The following DIP2A variants were observed in gnomAD, a reference collection of about 807,000 sequenced individuals.
DIP2A encodes the protein disco-interacting protein 2 homolog A.
A neutral mutation model predicts 177.4 loss-of-function variants in DIP2A; 85 were observed. That is an observed-to-expected ratio of 0.48 (90% confidence interval 0.40 to 0.57). The LOEUF (loss-of-function observed/expected upper bound fraction) is 0.57, where lower values mean the gene tolerates loss of function less well. Ranked by LOEUF, DIP2A falls within the 20% of genes least tolerant of loss-of-function variation. The pLI is 0.00. For synonymous variants in DIP2A, 886 were observed against 881.8 expected (o/e 1.00, Z -0.08); for missense variants, 1,791 against 2,100.2 (o/e 0.85, Z 2.88).
chr21:46,560,864 C>G, intron 33 of DIP2A, 81 bp downstream of exon 33: 1 of 1,532,162 alleles, frequency 6.5e-7, no homozygotes, highest in African/African-American at 1.4e-5. Context: ...ACTATGCACC[C>G]CCGGGACCCA....
chr21:46,558,499 CCTT>C lies in DIP2A; in HGVS notation c.3969+109_3969+111del, dbSNP rs1188029937. The stretch of plus-strand genomic sequence containing the variant: ...TTTTGTAGCCGCCTGATCTATTTCT[CCTT>C]CTCTGGGCCTTTGATATCTCATTTC... On this transcript the variant is annotated intron_variant, in intron 32 of 37. Transcript: ENST00000417564. 4 of 1,154,386 alleles carry C rather than the reference CCTT, an allele frequency of 3.5e-6. No individual in the cohort carries two copies. The East Asian group carries it at 1.0e-4, about 30-fold the overall frequency. 71.5% of individuals were successfully genotyped at this position (1,154,386 alleles called of 1,614,324 possible).
intron 35 of DIP2A, among the ~76,000 whole-genome samples, chr21:46,564,682 T>C (rs1363574982): frequency 6.6e-6 from 1 of 152,200 alleles, no homozygotes; most frequent in Non-Finnish European, 1.5e-5. Flanking sequence ...AGCTCTGCTG[T>C]GAAGCCAGAC....
In DIP2A at chr21:46,546,921, C is replaced by A; in HGVS notation, c.2401C>A (p.Leu801Met). 1.2e-6 allele frequency: 2 copies of A among 1,613,860 alleles called. No homozygotes were observed. Among genetic ancestry groups the A allele is most frequent in the Non-Finnish European group, 1.7e-6 (2 of 1,179,794 alleles). The change falls in exon 21 of 38, where the codon CTG (leucine) becomes ATG (methionine). Residue 801 changes from leucine to methionine, a missense_variant. Coordinates refer to ENST00000417564, the MANE Select transcript of DIP2A (RefSeq NM_015151.4). ...CGCACACCCTTTCCCTCAGGACAAC[C>A]TGGTCTTCATCGTGGGCAAACTGGA... The part of the protein sequence containing the change: ...GLLGFIGPDN[L>M]VFIVGKLDGL...
At chr21:46,495,247 TCTC>T (rs1568967773) in intron 3 of DIP2A, among the ~76,000 whole-genome samples, 45 of 94,036 alleles carry the variant, frequency 4.8e-4, no homozygotes, top group African/African-American at 3.2e-3. Flanking sequence ...CTCTTCTTTC[TCTC>T]TCTCTCTCTC....
intron 3 of DIP2A, 128 bp downstream of exon 3, chr21:46,490,847 G>A: frequency 8.6e-7 from 1 of 1,169,208 alleles, no homozygotes; most frequent in Non-Finnish European, 1.2e-6. Context: ...CACATAAGCA[G>A]TAATGTACAT....
At chr21:46,542,879 T>A (rs1263177786) in intron 18 of DIP2A, among the ~76,000 whole-genome samples, 1 of 152,244 alleles carries the variant, frequency 6.6e-6, no homozygotes, top group African/African-American at 2.4e-5. Context: ...CAACTCTGCC[T>A]CTTGCAGGCG....
downstream of DIP2A, among the ~76,000 whole-genome samples, chr21:46,574,267 CAAG>C (rs2060981379): frequency 6.6e-6 from 1 of 151,864 alleles, no homozygotes; most frequent in Admixed American, 6.6e-5. Flanking sequence ...GAAGAAATAA[CAAG>C]AAAAATTAGA....
In DIP2A at chr21:46,565,830, G is replaced by A; in HGVS notation, c.4282G>A (p.Ala1428Thr). Residue 1428 changes from alanine (A) to threonine (T), a missense_variant, in exon 36 of 38, where the codon GCA (alanine) becomes ACA (threonine). Transcript: ENST00000417564. ...TTTTGGAGACACACAGACCATCTGG[G>A]CAAGGACCGGCTACCTTGGCTTCCT... The part of the protein sequence containing the change: ...LSFGDTQTIW[A>T]RTGYLGFLRR... 1.2e-6 allele frequency: 2 copies of A among 1,614,006 alleles called. No individual in the cohort carries two copies. Among genetic ancestry groups the A allele is most frequent in the Non-Finnish European group, 1.7e-6 (2 of 1,179,896 alleles).
At chr21:46,504,548 A>G (rs1297364851) in intron 6 of DIP2A, 59 bp downstream of exon 6, 37 of 1,536,512 alleles carry the variant, frequency 2.4e-5, no homozygotes, top group Non-Finnish European at 3.0e-5. Context: ...GTCTTTGGGT[A>G]TTGAACACAG....
chr21:46,532,398 A>G (rs952646839), intron 10 of DIP2A, among the ~76,000 whole-genome samples, 161 bp downstream of exon 10: 4 of 152,240 alleles, frequency 2.6e-5, no homozygotes, highest in African/African-American at 9.6e-5. Flanking sequence ...AAGAGAAATC[A>G]GATGCCGTTT....
chr21:46,549,757 G>C lies in DIP2A; in HGVS notation c.2523-14G>C. On this transcript the variant is annotated splice_polypyrimidine_tract_variant and intron_variant, in intron 21 of 37. Coordinates refer to ENST00000417564, the MANE Select transcript of DIP2A (RefSeq NM_015151.4). ...CCTCTTGCCGTGTGGCCATTTCCAT[G>C]TCTCATCCCGCAGGATCGCTGTGTT... The C allele has an allele frequency of 6.2e-7, 1 of 1,613,130 alleles. No homozygotes were observed. The highest frequency in any genetic ancestry group is 8.5e-7 in the Non-Finnish European group (1 of 1,179,766).
chr21:46,557,414 C>A lies in DIP2A; in HGVS notation c.3630-171C>A. The A allele has an allele frequency of 1.2e-6, 1 of 853,540 alleles. No individual in the cohort carries two copies. The highest frequency in any genetic ancestry group is 1.8e-6 in the Non-Finnish European group (1 of 567,996). 52.9% of individuals were successfully genotyped at this position (853,540 alleles called of 1,614,324 possible). A position where few individuals can be genotyped will look rare whatever the true frequency, so the allele number is the denominator to read the frequency against. ...AGCTCAGAACCCCGTGCCTGCCATCCCCCAACCTTCACCCTGTGGCATGTT... is the reference window on the plus strand; with the variant it reads ...AGCTCAGAACCCCGTGCCTGCCATCACCCAACCTTCACCCTGTGGCATGTT... On this transcript the variant is annotated intron_variant, in intron 30 of 37. Transcript: ENST00000417564. This position sits in a 1 kb window ranked among gnomAD's most constrained non-coding sequence, Gnocchi z 6.0.
intron 1 of DIP2A, among the ~76,000 whole-genome samples, chr21:46,472,393 C>T (rs921119119): frequency 6.6e-6 from 1 of 152,214 alleles, no homozygotes. Context: ...TGTTTAACAA[C>T]ATTCAACAGA....
chr21:46,561,023 G>C lies in DIP2A; in HGVS notation c.4031+240G>C, dbSNP rs1485964423. On this transcript the variant is annotated intron_variant, in intron 33 of 37. Transcript: ENST00000417564. ...CGGGCGTGCCTCCCAGGGGAGCTCAGTGTCTATCTCTGTGCGCCCGTGTCC... is the reference window on the plus strand; with the variant it reads ...CGGGCGTGCCTCCCAGGGGAGCTCACTGTCTATCTCTGTGCGCCCGTGTCC... The C allele has an allele frequency of 1.0e-5, 10 of 985,360 alleles. No homozygotes were observed. The South Asian group carries it at 2.3e-4, about 23-fold the overall frequency. 61.0% of individuals were successfully genotyped at this position (985,360 alleles called of 1,614,324 possible).
chr21:46,483,275 A>G (rs532893603), intron 1 of DIP2A, among the ~76,000 whole-genome samples: 1 of 152,366 alleles, frequency 6.6e-6, no homozygotes, highest in Admixed American at 6.5e-5. Context: ...GACACTATAA[A>G]AAAGTTTCTA....
At chr21:46,546,383 A>T (rs543755097) in intron 20 of DIP2A, 3 of 942,300 alleles carry the variant, frequency 3.2e-6, no homozygotes, top group East Asian at 1.8e-4. Flanking sequence ...ACTTTTGAAG[A>T]CATTTTTGCT....
At position 46,532,144 on chromosome 21, in the gene DIP2A, G is replaced by A. The variant is rs766296826; in HGVS notation, c.1212G>A (p.Pro404=). The A allele has an allele frequency of 1.7e-5, 27 of 1,613,418 alleles. No homozygotes were observed. Among genetic ancestry groups the A allele is most frequent in the Middle Eastern group, 3.3e-4 (2 of 6,082 alleles). ...KPGDRVALVF[P]NSDPVMFMVA... ...TGTTGTAGGTGGCGCTCGTGTTTCC[G>A]AATAGTGACCCTGTGATGTTCATGG... The change falls in exon 10 of 38, where the codon CCG becomes CCA. Residue 404 remains proline (P), a synonymous_variant. Transcript: ENST00000417564.
At chr21:46,529,546 A>G (rs773833889) in intron 9 of DIP2A, among the ~76,000 whole-genome samples, 4 of 151,648 alleles carry the variant, frequency 2.6e-5, no homozygotes, top group Non-Finnish European at 5.9e-5. Context: ...GGTTGTAGTG[A>G]GCCAAGATCT....
intron 18 of DIP2A, among the ~76,000 whole-genome samples, chr21:46,543,427 C>T (rs768659400): frequency 2.0e-5 from 3 of 152,102 alleles, no homozygotes; most frequent in Non-Finnish European, 4.4e-5. Flanking sequence ...GCACGCAGCA[C>T]ACCTCCTCCC....
Sources: allele counts gnomAD v4.1 joint callset (sites outside exome capture counted in the v4.1 genomes callset), GRCh38; gene constraint gnomAD v4.1.1; non-coding constraint Gnocchi (gnomAD v3.1); transcripts MANE v1.5; gene names NCBI Gene and HGNC (gene_info 2026-07-23, HGNC 2026-07-21).